Variants in FAT4 observed in about 807,000 individuals in gnomAD.
The protein encoded by FAT4 is protocadherin Fat 4.
Under a neutral mutation model 303.9 loss-of-function variants are expected in FAT4, and 84 were observed. The ratio of observed to expected loss-of-function variants is 0.28; its 90% confidence interval spans 0.23 to 0.33. FAT4 has a LOEUF of 0.33. FAT4 is among the 10% of genes least tolerant of loss of function. FAT4 has a pLI of 1.00. For synonymous variants in FAT4, 2,307 were observed against 2,298.8 expected, an observed-to-expected ratio of 1.00 and a Z score of -0.10; for missense variants, 6,005 against 6,146.8, an observed-to-expected ratio of 0.98 and a Z score of 0.77.
chr4:125,450,576 T>G lies in FAT4; in HGVS notation c.9566T>G (p.Val3189Gly). The G allele has an allele frequency of 6.2e-7, 1 of 1,614,132 alleles. No homozygotes were observed. The highest frequency in any genetic ancestry group is 8.5e-7 in the Non-Finnish European group (1 of 1,180,010). ...YCSVTVNVIDVNDNSPVFLSD... is the reference protein window; with the variant it reads ...YCSVTVNVIDGNDNSPVFLSD... ...AGTGTGACCGTAAATGTGATTGATGTGAATGATAATTCTCCAGTATTCCTC... is the reference window on the plus strand; with the variant it reads ...AGTGTGACCGTAAATGTGATTGATGGGAATGATAATTCTCCAGTATTCCTC... The change falls in exon 10 of 18, where the codon GTG becomes GGG. Residue 3189 changes from valine (V) to glycine (G), a missense_variant. Coordinates refer to ENST00000394329, the MANE Select transcript of FAT4 (RefSeq NM_001291303.3).
At chr4:125,416,182 T>C (rs942083920) in intron 6 of FAT4, among the ~76,000 whole-genome samples, 11 of 152,308 alleles carry the variant, frequency 7.2e-5, no homozygotes, top group Non-Finnish European at 1.0e-4. Flanking sequence ...CCTTCATATA[T>C]TTAACTACCT....
chr4:125,393,231 A>G (rs1290310992), intron 2 of FAT4, among the ~76,000 whole-genome samples: 1 of 152,174 alleles, frequency 6.6e-6, no homozygotes, highest in East Asian at 1.9e-4. Flanking sequence ...ATTAAGAAAC[A>G]TTTGATTTAA....
intron 7 of FAT4, among the ~76,000 whole-genome samples, chr4:125,420,990 G>T (rs1724853768): frequency 1.3e-5 from 2 of 152,182 alleles, no homozygotes; most frequent in Non-Finnish European, 2.9e-5. Context: ...GTGTGTAGTG[G>T]CATGATCTTG....
chr4:125,353,930 A>G (rs1732330181), intron 2 of FAT4, among the ~76,000 whole-genome samples: 1 of 151,758 alleles, frequency 6.6e-6, no homozygotes, highest in Non-Finnish European at 1.5e-5. Flanking sequence ...CTTATTTAAA[A>G]TTATTATACA....
intron 2 of FAT4, among the ~76,000 whole-genome samples, chr4:125,368,750 A>G (rs370409542): frequency 2.0e-5 from 3 of 151,584 alleles, no homozygotes. Flanking sequence ...TGAGAGAGAG[A>G]GAGAGAAAGA....
Position 125,491,763 on chromosome 4 carries a change from G to C in FAT4, c.14947G>C (p.Val4983Leu). 1 of 1,606,496 alleles carries C rather than the reference G, an allele frequency of 6.2e-7. No homozygotes were observed. Among genetic ancestry groups the C allele is most frequent in the South Asian group, 1.1e-5 (1 of 90,018 alleles). ...CAAAGATGGGGAAGCAGAACAGTAT[G>C]TGTGAAGTTTATGTACTGGCACTAT... ...VPKDGEAEQYV is the reference protein window; with the variant it reads ...VPKDGEAEQYL Residue 4983 changes from valine (V) to leucine (L), a missense_variant, in exon 18 of 18, where the codon GTG becomes CTG. By Grantham distance (32) the Val-to-Leu change is conservative (BLOSUM62 1). Transcript: ENST00000394329.
intron 13 of FAT4, among the ~76,000 whole-genome samples, chr4:125,476,585 T>C (rs1345608052): frequency 6.6e-6 from 1 of 152,208 alleles, no homozygotes; most frequent in Admixed American, 6.5e-5. Context: ...TTCAAATGCG[T>C]TTCTAAAAGT....
intron 7 of FAT4, among the ~76,000 whole-genome samples, chr4:125,427,801 A>G (rs1725135640): frequency 6.6e-6 from 1 of 152,228 alleles, no homozygotes; most frequent in Non-Finnish European, 1.5e-5. Context: ...GCAAAGCAAC[A>G]GAATTAAGTT....
At position 125,415,495 on chromosome 4, in the gene FAT4, G is replaced by A. The variant is rs373678302; in HGVS notation, c.6532G>A (p.Ala2178Thr). 5.8e-5 allele frequency: 93 copies of A among 1,613,936 alleles called. No homozygotes were observed. The highest frequency in any genetic ancestry group is 4.9e-4 in the Middle Eastern group (3 of 6,082). Residue 2178 changes from alanine (A) to threonine (T), a missense_variant, in exon 6 of 18, where the codon GCA (alanine) becomes ACA (threonine). Coordinates refer to ENST00000394329, the MANE Select transcript of FAT4 (RefSeq NM_001291303.3). ...TGGAACAGATATAATACAAGTGTTC[G>A]CAGCAGATGGAGATGAAGGCACAAA... ...LTGTDIIQVF[A>T]ADGDEGTNGQ... is the part of the protein sequence containing the mutation.
intron 11 of FAT4, among the ~76,000 whole-genome samples, chr4:125,467,940 G>A (rs548172895): frequency 2.6e-5 from 4 of 152,060 alleles, no homozygotes; most frequent in Admixed American, 6.6e-5. Context: ...TGAGGCAGGC[G>A]GATCACCTGA....
intron 2 of FAT4, among the ~76,000 whole-genome samples, chr4:125,387,873 CT>C (rs1241601185): frequency 2.6e-5 from 4 of 152,114 alleles, no homozygotes; most frequent in Non-Finnish European, 4.4e-5. Context: ...GCTTTTGTAT[CT>C]GTTAGCTACT....
At position 125,317,214 on chromosome 4, in the gene FAT4, G is replaced by GC; in HGVS notation, c.804dup (p.Val269ArgfsTer33). 6.3e-7 allele frequency: 1 copy of GC among 1,587,402 alleles called. No homozygotes were observed. Among genetic ancestry groups the GC allele is most frequent in the Non-Finnish European group, 8.6e-7 (1 of 1,164,366 alleles). ...CCTGAGGACGCGGTTGTGGGTTCCA[G>GC]CGTCCTCCAGGTGGCGGCGGCGGAC... On this transcript the variant is annotated frameshift_variant, in exon 2 of 18. Transcript: ENST00000394329. LOFTEE classifies it high-confidence loss of function. This position sits in a 1 kb window ranked among gnomAD's most constrained non-coding sequence, Gnocchi z 7.0.
At chr4:125,362,472 G>T in intron 2 of FAT4, among the ~76,000 whole-genome samples, 1 of 152,138 alleles carries the variant, frequency 6.6e-6, no homozygotes, top group East Asian at 1.9e-4. Flanking sequence ...TATTAGAAGA[G>T]AAATGATTCT....
intron 11 of FAT4, among the ~76,000 whole-genome samples, chr4:125,466,642 AC>A (rs1164300604): frequency 2.4e-4 from 36 of 150,692 alleles, no homozygotes; most frequent in African/African-American, 8.5e-4. Context: ...ATAAGATTAT[AC>A]TATGTATAAA....
chr4:125,445,872 T>C (rs996848461), intron 8 of FAT4, among the ~76,000 whole-genome samples: 9 of 152,168 alleles, frequency 5.9e-5, no homozygotes, highest in African/African-American at 2.2e-4. Flanking sequence ...CAACTGATCT[T>C]CTCTGGTTTA....
At chr4:125,436,051 GA>G (rs1378444362) in intron 8 of FAT4, among the ~76,000 whole-genome samples, 63 of 142,572 alleles carry the variant, frequency 4.4e-4, no homozygotes, top group African/African-American at 1.4e-3. Flanking sequence ...GGGGTCGGGG[GA>G]GGGGGGGAGG....
intron 2 of FAT4, among the ~76,000 whole-genome samples, chr4:125,382,352 G>A (rs1348922296): frequency 6.6e-6 from 1 of 152,156 alleles, no homozygotes; most frequent in African/African-American, 2.4e-5. Flanking sequence ...CTGCAGAATG[G>A]ATGCTGTGTT....
chr4:125,485,127 G>A (rs1467492266), intron 16 of FAT4, among the ~76,000 whole-genome samples: 1 of 152,138 alleles, frequency 6.6e-6, no homozygotes, highest in East Asian at 1.9e-4. Context: ...GAGTCATTAA[G>A]CAAGTGGTGG....
intron 8 of FAT4, among the ~76,000 whole-genome samples, chr4:125,440,613 G>GAC (rs1467636601): frequency 7.0e-6 from 1 of 142,452 alleles, no homozygotes; most frequent in Non-Finnish European, 1.6e-5. Flanking sequence ...GTGTGTGTGA[G>GAC]AGAGAGAGAG....
Sources: gnomAD v4.1 joint callset for allele counts (sites outside exome capture counted in the v4.1 genomes callset) on GRCh38, gnomAD v4.1.1 for gene constraint, Gnocchi (gnomAD v3.1) non-coding constraint, MANE v1.5 for transcripts, NCBI Gene and HGNC (gene_info 2026-07-23, HGNC 2026-07-21) for gene names.